MGAT5B: variants seen among roughly 807,000 people sequenced by gnomAD.
The protein encoded by MGAT5B is alpha-1,6-mannosylglycoprotein 6-beta-N-acetylglucosaminyltransferase B.
A neutral mutation model predicts 95.1 loss-of-function variants in MGAT5B; 54 were observed. The observed-to-expected ratio is 0.57, with a 90% CI of 0.46 to 0.71. The LOEUF (loss-of-function observed/expected upper bound fraction) is 0.71, where lower values mean the gene tolerates loss of function less well. MGAT5B is among the 30% of genes least tolerant of loss of function. MGAT5B has a pLI of 0.00. For synonymous variants in MGAT5B, 464 were observed against 451.0 expected, an observed-to-expected ratio of 1.03 and a Z score of -0.36; for missense variants, 935 against 1,088.6, an observed-to-expected ratio of 0.86 and a Z score of 1.99.
intron 8 of MGAT5B, among the ~76,000 whole-genome samples, chr17:76,921,188 G>A (rs1351268290): frequency 6.6e-6 from 1 of 152,180 alleles, no homozygotes; most frequent in African/African-American, 2.4e-5. Flanking sequence ...GGGCACCGTC[G>A]CAGGAGAACC....
intron 8 of MGAT5B, among the ~76,000 whole-genome samples, chr17:76,923,401 C>T (rs1389458723): frequency 6.6e-6 from 1 of 152,080 alleles, no homozygotes; most frequent in African/African-American, 2.4e-5. Context: ...CACCTGAACC[C>T]TGAATCCTGG....
chr17:76,904,446 C>T lies in MGAT5B; in HGVS notation c.690+24C>T, dbSNP rs200272265. On this transcript the variant is annotated intron_variant, in intron 6 of 17. Transcript: ENST00000569840. ...AGGTGGGCCTGGGAGGTGGGTGGGC[C>T]GGTGAGGGGCTGGTGTGGCTGGACA... 1.6e-3 allele frequency: 2,541 copies of T among 1,545,824 alleles called. 18 individuals carry two copies. The highest frequency in any genetic ancestry group is 0.01 in the South Asian group (853 of 83,990).
At chr17:76,877,562 G>A (rs1009006102) in intron 2 of MGAT5B, among the ~76,000 whole-genome samples, 9 of 152,128 alleles carry the variant, frequency 5.9e-5, no homozygotes, top group Admixed American at 1.3e-4. Flanking sequence ...CTTGATGGAT[G>A]GGGGACCGGG....
rs556363470 is a variant in MGAT5B at position 76,881,952 on chromosome 17, G to A, written c.182-199G>A. 2.2e-3 allele frequency among the ~76,000 whole-genome samples: 342 copies of A among 152,374 alleles called. 1 individual carries two copies. The highest frequency in any genetic ancestry group is 4.1e-3 in the Non-Finnish European group (280 of 68,034). On this transcript the variant is annotated intron_variant, in intron 2 of 17. Coordinates refer to ENST00000569840, the MANE Select transcript of MGAT5B (RefSeq NM_001199172.2). ...TGCCCAGGGCTCTGCACTCCGCCAC[G>A]ATGCTGTTCTCTGCACCGCAAAGCA...
intron 3 of MGAT5B, among the ~76,000 whole-genome samples, chr17:76,895,826 C>T (rs887728923): frequency 1.3e-5 from 2 of 152,156 alleles, no homozygotes. Context: ...TCATTTAACC[C>T]ATGGCAAAAA....
At chr17:76,933,346 C>T (rs1272869916) in intron 12 of MGAT5B, 49 bp downstream of exon 12, 4 of 1,596,766 alleles carry the variant, frequency 2.5e-6, no homozygotes, top group African/African-American at 1.3e-5. Flanking sequence ...GCTCCCTTCC[C>T]CTCTCCAGCA....
chr17:76,922,340 A>G (rs1279892082), intron 8 of MGAT5B, among the ~76,000 whole-genome samples: 1 of 152,190 alleles, frequency 6.6e-6, no homozygotes, highest in Non-Finnish European at 1.5e-5. Context: ...GCAAGGAAGG[A>G]TACAGAGGGA....
intron 12 of MGAT5B, among the ~76,000 whole-genome samples, chr17:76,935,954 T>TTATATA (rs201147006): frequency 7.1e-6 from 1 of 140,586 alleles, no homozygotes; most frequent in African/African-American, 2.6e-5. Flanking sequence ...ATTATATACA[T>TTATATA]TATATATATA....
intron 15 of MGAT5B, among the ~76,000 whole-genome samples, chr17:76,945,190 C>T (rs1186389789): frequency 6.6e-6 from 1 of 152,130 alleles, no homozygotes; most frequent in Non-Finnish European, 1.5e-5. Flanking sequence ...TACCCCCTTA[C>T]TCCTCTGTCA....
At position 76,916,252 on chromosome 17, in the gene MGAT5B, C is replaced by G. The variant is rs1170043924; in HGVS notation, c.1026-8714C>G. Among the ~76,000 whole-genome samples the G allele has an allele frequency of 1.3e-5, 2 of 152,234 alleles. No homozygotes were observed. The highest frequency in any genetic ancestry group is 4.8e-5 in the African/African-American group (2 of 41,438). Reference sequence around the variant, plus strand: ...CCTTCCTTGCAAGGGCCTCGCCTCCCCTCATGCTCCACGCGCTGCGCTGGC... The same window carrying G: ...CCTTCCTTGCAAGGGCCTCGCCTCCGCTCATGCTCCACGCGCTGCGCTGGC... On this transcript the variant is annotated intron_variant, in intron 8 of 17. Transcript: ENST00000569840. This position sits in a 1 kb window ranked among gnomAD's most constrained non-coding sequence, Gnocchi z 5.3.
In MGAT5B at chr17:76,933,276, C is replaced by T; in HGVS notation, c.1423-16C>T. 1 of 1,598,300 alleles carries T rather than the reference C, an allele frequency of 6.3e-7. No individual in the cohort carries two copies. The highest frequency in any genetic ancestry group is 1.7e-4 in the Middle Eastern group (1 of 6,058). ...CTCTCTCTCTGTTCCTTGTGCTCCCCCTGGCCACGAGGCAGCTCCAGGTAT... is the reference window on the plus strand; with the variant it reads ...CTCTCTCTCTGTTCCTTGTGCTCCCTCTGGCCACGAGGCAGCTCCAGGTAT... On this transcript the variant is annotated splice_polypyrimidine_tract_variant and intron_variant, in intron 11 of 17. Transcript: ENST00000569840.
Position 76,872,980 on chromosome 17 carries a change from A to C in MGAT5B, c.181+17A>C. ...GCACAGAAGGTACCTTGGTGGGGCA[A>C]GGGGAGTGTGAGATGAGTGAGGGCG... On this transcript the variant is annotated intron_variant, in intron 2 of 17. Transcript: ENST00000569840. 1.2e-6 allele frequency: 2 copies of C among 1,612,216 alleles called. No homozygotes were observed. The highest frequency in any genetic ancestry group is 1.7e-6 in the Non-Finnish European group (2 of 1,179,908).
At chr17:76,900,899 A>ATG (rs375290645) in intron 3 of MGAT5B, among the ~76,000 whole-genome samples, 5 of 137,980 alleles carry the variant, frequency 3.6e-5, no homozygotes, top group Non-Finnish European at 3.1e-5. Flanking sequence ...ATGTGTGTGC[A>ATG]TGTGTGTGTG....
At chr17:76,873,577 G>C (rs1967080270) in intron 2 of MGAT5B, among the ~76,000 whole-genome samples, 1 of 152,244 alleles carries the variant, frequency 6.6e-6, no homozygotes, top group South Asian at 2.1e-4. Context: ...ACCTTCTGCA[G>C]AGGTTGGATT....
At chr17:76,909,711 A>C (rs1316308833) in intron 8 of MGAT5B, among the ~76,000 whole-genome samples, 1 of 152,114 alleles carries the variant, frequency 6.6e-6, no homozygotes, top group Non-Finnish European at 1.5e-5. Context: ...GATCAGAGGG[A>C]GGAGTCTGGG....
chr17:76,909,384 C>G (rs1373119901), intron 8 of MGAT5B, among the ~76,000 whole-genome samples: 1 of 152,230 alleles, frequency 6.6e-6, no homozygotes, highest in Non-Finnish European at 1.5e-5. Context: ...TTCCTCAGGG[C>G]CTTCCTTCAG....
intron 8 of MGAT5B, among the ~76,000 whole-genome samples, chr17:76,919,240 T>C (rs1289020422): frequency 2.0e-5 from 3 of 152,194 alleles, no homozygotes. Flanking sequence ...TTTGATATTT[T>C]AGCAAAGAGT....
intron 16 of MGAT5B, 81 bp from the exon 17 acceptor site, chr17:76,947,749 C>T (rs1455872902): frequency 2.4e-5 from 35 of 1,470,258 alleles, no homozygotes; most frequent in Middle Eastern, 2.5e-4. Context: ...CGTACTGGCA[C>T]GGCAGGGCCA....
Position 76,911,875 on chromosome 17 carries a change from G to A in MGAT5B, c.1025+5688G>A, listed in dbSNP as rs529436058. ...AGGAATGCATGAACTGAATCCTGGC[G>A]CTGGAGCGTGCTGCAAGTCCAAGAG... is the stretch of plus-strand genomic sequence containing the variant. On this transcript the variant is annotated intron_variant, in intron 8 of 17. Coordinates refer to ENST00000569840, the MANE Select transcript of MGAT5B (RefSeq NM_001199172.2). Among the ~76,000 whole-genome samples the A allele has an allele frequency of 5.9e-5, 9 of 152,352 alleles. No homozygotes were observed. The South Asian group carries it at 6.2e-4, about 11-fold the overall frequency.
Sources: gnomAD v4.1 joint callset for allele counts (sites outside exome capture counted in the v4.1 genomes callset) on GRCh38, gnomAD v4.1.1 for gene constraint, Gnocchi (gnomAD v3.1) non-coding constraint, MANE v1.5 for transcripts, NCBI Gene and HGNC (gene_info 2026-07-23, HGNC 2026-07-21) for gene names.